PXT1: variants seen among roughly 807,000 people sequenced by gnomAD.
The protein encoded by PXT1 is peroxisomal testis-specific protein 1.
In PXT1, 11 loss-of-function variants were observed where a neutral mutation model predicts 11.0. That is an observed-to-expected ratio of 1.00 (90% CI 0.63 to 1.66). The LOEUF (loss-of-function observed/expected upper bound fraction) is 1.66. PXT1 is among the 40% of genes most tolerant of loss of function. The pLI, the probability that PXT1 is intolerant of heterozygous loss-of-function variation, is 0.00. For synonymous variants in PXT1, 43 were observed against 51.4 expected, an observed-to-expected ratio of 0.84 and a Z score of 0.70; for missense variants, 141 against 155.5, an observed-to-expected ratio of 0.91 and a Z score of 0.49.
chr6:36,435,835 T>C (rs535937554), intron 2 of PXT1, among the ~76,000 whole-genome samples: 16 of 152,258 alleles, frequency 1.1e-4, no homozygotes, highest in East Asian at 7.7e-4. Context: ...CAATCTAGAC[T>C]GTACACCTAC....
At chr6:36,424,518 T>G (rs1223747640) in intron 3 of PXT1, among the ~76,000 whole-genome samples, 1 of 151,982 alleles carries the variant, frequency 6.6e-6, no homozygotes, top group African/African-American at 2.4e-5. Flanking sequence ...CGGGCGCCTG[T>G]AGTCCCAGCT....
At chr6:36,394,801 AT>A (rs144812534) in intron 4 of PXT1, among the ~76,000 whole-genome samples, 96 of 149,248 alleles carry the variant, frequency 6.4e-4, no homozygotes, top group African/African-American at 1.8e-3. Context: ...AAAATAGAAG[AT>A]TTTTTTTTTC....
At chr6:36,429,478 C>T in intron 2 of PXT1, among the ~76,000 whole-genome samples, 2 of 138,546 alleles carry the variant, frequency 1.4e-5, no homozygotes, top group African/African-American at 2.7e-5. Context: ...TTTTCTTTTT[C>T]TTCACTTTTC....
chr6:36,399,166 G>A (rs993395391), intron 4 of PXT1, among the ~76,000 whole-genome samples: 1 of 138,206 alleles, frequency 7.2e-6, no homozygotes, highest in Non-Finnish European at 1.6e-5. Flanking sequence ...CATTTTTTGG[G>A]ACAGAGTCTC....
In PXT1 at chr6:36,400,625, T is replaced by A. The variant is rs1465142907; in HGVS notation, c.170-41A>T. 6 of 1,570,624 alleles carry A rather than the reference T, an allele frequency of 3.8e-6. No homozygotes were observed. In the South Asian group the frequency reaches 6.7e-5, roughly 18 times the overall value. ...AGAGTTCAAAAGAGATAATCCCACT[T>A]AATTATCTGTAAAATCACTTACCAC... On this transcript the variant is annotated intron_variant, in intron 3 of 4. Transcript: ENST00000454782.
At chr6:36,436,587 G>A (rs1774766952) in intron 2 of PXT1, among the ~76,000 whole-genome samples, 1 of 152,188 alleles carries the variant, frequency 6.6e-6, no homozygotes, top group Admixed American at 6.5e-5. Context: ...TGTATCTGGG[G>A]GAGGGATGCA....
intron 4 of PXT1, 51 bp downstream of exon 4, chr6:36,400,403 T>A (rs771278716): frequency 5.0e-6 from 8 of 1,603,144 alleles, no homozygotes; most frequent in Non-Finnish European, 6.8e-6. Flanking sequence ...TAGTTTTGTT[T>A]GCTCTTTCCT....
At chr6:36,428,393 C>T (rs1287224936) in intron 2 of PXT1, among the ~76,000 whole-genome samples, 1 of 125,958 alleles carries the variant, frequency 7.9e-6, no homozygotes, top group South Asian at 2.4e-4. Context: ...TGCACTGAGC[C>T]GAGATCGCGA....
intron 3 of PXT1, among the ~76,000 whole-genome samples, chr6:36,404,424 T>C (rs6457910): frequency 0.48 from 72,907 of 151,868 alleles, 17,859 homozygotes; most frequent in Middle Eastern, 0.58. Context: ...ATCACTCAAG[T>C]GATCCTCCCA....
intron 2 of PXT1, among the ~76,000 whole-genome samples, chr6:36,436,306 G>A (rs1310757691): frequency 6.6e-6 from 1 of 152,134 alleles, no homozygotes; most frequent in Non-Finnish European, 1.5e-5. Context: ...AGATCACTTT[G>A]GCTACTGGAT....
chr6:36,438,048 G>C (rs1054628647), intron 2 of PXT1, among the ~76,000 whole-genome samples: 2 of 150,036 alleles, frequency 1.3e-5, no homozygotes, highest in African/African-American at 2.5e-5. Flanking sequence ...TCGAACTCCT[G>C]ACCTCAGGTG....
intron 4 of PXT1, among the ~76,000 whole-genome samples, chr6:36,394,600 G>T (rs1005769714): frequency 6.6e-6 from 1 of 152,036 alleles, no homozygotes; most frequent in Admixed American, 6.6e-5. Flanking sequence ...GACAGGGAGG[G>T]AGGAGTTTCC....
At chr6:36,392,185 G>A (rs563247593) in intron 4 of PXT1, among the ~76,000 whole-genome samples, 2 of 152,266 alleles carry the variant, frequency 1.3e-5, no homozygotes, top group Non-Finnish European at 2.9e-5. Context: ...ATGCCACCAT[G>A]TCTGGCTAAT....
intron 3 of PXT1, among the ~76,000 whole-genome samples, chr6:36,416,991 T>A (rs1437315591): frequency 6.6e-6 from 1 of 152,212 alleles, no homozygotes; most frequent in East Asian, 1.9e-4. Context: ...TGAACATGGA[T>A]CAAATAAGAA....
chr6:36,441,059 G>A (rs774009490), intron 1 of PXT1, among the ~76,000 whole-genome samples: 7 of 148,828 alleles, frequency 4.7e-5, no homozygotes, highest in African/African-American at 7.4e-5. Flanking sequence ...TTGAGCCTAG[G>A]AGTTCAAGAC....
At chr6:36,403,068 C>T (rs1197774454) in intron 3 of PXT1, among the ~76,000 whole-genome samples, 3 of 151,974 alleles carry the variant, frequency 2.0e-5, no homozygotes, top group East Asian at 1.9e-4. Context: ...CCATGTTGGC[C>T]GGAGTGGTCT....
At chr6:36,422,666 T>C (rs1377392924) in intron 3 of PXT1, among the ~76,000 whole-genome samples, 1 of 151,956 alleles carries the variant, frequency 6.6e-6, no homozygotes, top group South Asian at 2.1e-4. Context: ...AAAGAAAATG[T>C]ATATCTAGAG....
intron 3 of PXT1, among the ~76,000 whole-genome samples, chr6:36,422,615 T>C (rs1002219405): frequency 6.6e-6 from 1 of 152,108 alleles, no homozygotes; most frequent in African/African-American, 2.4e-5. Context: ...GCCTGGAATA[T>C]AGTAGGTTCT....
intron 4 of PXT1, among the ~76,000 whole-genome samples, chr6:36,400,102 T>C (rs1162826306): frequency 2.0e-5 from 3 of 152,222 alleles, no homozygotes; most frequent in Admixed American, 2.0e-4. Context: ...TGAAACAGTT[T>C]GTTACACTTC....
Sources: gnomAD v4.1 joint callset for allele counts (sites outside exome capture counted in the v4.1 genomes callset) on GRCh38, gnomAD v4.1.1 for gene constraint, MANE v1.5 for transcripts, NCBI Gene and HGNC (gene_info 2026-07-23, HGNC 2026-07-21) for gene names.